Variants in RIMKLB observed in about 807,000 individuals in gnomAD.
RIMKLB encodes beta-citrylglutamate synthase B.
A neutral mutation model predicts 32.0 loss-of-function variants in RIMKLB; 7 were observed. The ratio of observed to expected loss-of-function variants is 0.22; its 90% CI spans 0.12 to 0.41. The LOEUF is 0.41. RIMKLB is among the 10% of genes least tolerant of loss of function. The pLI is 1.00. For missense variants in RIMKLB, 289 were observed against 498.7 expected (o/e 0.58, Z 4.00); for synonymous variants, 172 against 185.1 (o/e 0.93, Z 0.57).
At chr12:8,738,737 C>A (rs74059993) in intron 2 of RIMKLB, among the ~76,000 whole-genome samples, 1 of 152,084 alleles carries the variant, frequency 6.6e-6, no homozygotes, top group African/African-American at 2.4e-5. Context: ...AGGAGTGATA[C>A]CCCCCGTCCC....
chr12:8,756,450 T>A (rs1399236020), intron 5 of RIMKLB, among the ~76,000 whole-genome samples: 2 of 152,142 alleles, frequency 1.3e-5, no homozygotes, highest in Non-Finnish European at 2.9e-5. Context: ...AACATAATGT[T>A]CATTTAAAAA....
chr12:8,720,749 A>G (rs1407374697), intron 2 of RIMKLB, among the ~76,000 whole-genome samples: 1 of 152,182 alleles, frequency 6.6e-6, no homozygotes, highest in Non-Finnish European at 1.5e-5. Flanking sequence ...CTTGTTGGCC[A>G]GGCTGGTCTG....
At chr12:8,755,176 C>A (rs1948917348) in intron 5 of RIMKLB, among the ~76,000 whole-genome samples, 1 of 152,080 alleles carries the variant, frequency 6.6e-6, no homozygotes, top group African/African-American at 2.4e-5. Flanking sequence ...GGTCTCAAAC[C>A]TCTGACCTAG....
At chr12:8,746,227 T>C (rs1251743301) in intron 2 of RIMKLB, among the ~76,000 whole-genome samples, 2 of 151,700 alleles carry the variant, frequency 1.3e-5, no homozygotes, top group Non-Finnish European at 2.9e-5. Context: ...TTTTTCATCC[T>C]CAAACTGGCG....
chr12:8,754,923 G>A (rs1396380770), intron 5 of RIMKLB, among the ~76,000 whole-genome samples: 6 of 151,962 alleles, frequency 3.9e-5, no homozygotes, highest in Admixed American at 1.3e-4. Context: ...CTAAGTAGCC[G>A]AGACCACAGG....
At chr12:8,724,588 G>A (rs1463946384) in intron 2 of RIMKLB, among the ~76,000 whole-genome samples, 3 of 152,224 alleles carry the variant, frequency 2.0e-5, no homozygotes, top group Admixed American at 1.3e-4. Context: ...TGGTGTCTGA[G>A]TGGTTTGGAC....
At chr12:8,746,598 CAA>C (rs1185862870) in intron 2 of RIMKLB, among the ~76,000 whole-genome samples, 21 of 54,942 alleles carry the variant, frequency 3.8e-4, no homozygotes, top group Non-Finnish European at 4.1e-4. Context: ...GACTCTGTCT[CAA>C]AAAAAAAAAA....
At chr12:8,697,530 G>C (rs1213781389), upstream of RIMKLB, among the ~76,000 whole-genome samples, 1 of 152,082 alleles carries the variant, frequency 6.6e-6, no homozygotes, top group Non-Finnish European at 1.5e-5. Context: ...GAATGTGAGG[G>C]CGGGGAGGGC....
intron 5 of RIMKLB, among the ~76,000 whole-genome samples, chr12:8,757,735 A>G (rs1444385735): frequency 6.6e-6 from 1 of 152,168 alleles, no homozygotes; most frequent in Non-Finnish European, 1.5e-5. Flanking sequence ...TACATCGTCA[A>G]GAGTATTTCT....
intron 1 of RIMKLB, among the ~76,000 whole-genome samples, chr12:8,707,629 C>T (rs574197974): frequency 6.6e-5 from 10 of 152,276 alleles, no homozygotes; most frequent in South Asian, 6.2e-4. Context: ...GGGGATGAGA[C>T]GGAAGGTTCC....
intron 1 of RIMKLB, among the ~76,000 whole-genome samples, chr12:8,688,961 A>T (rs1043810579): frequency 2.6e-5 from 4 of 151,990 alleles, no homozygotes; most frequent in African/African-American, 9.7e-5. Context: ...CAGCCTCCCA[A>T]GTAGCTGGGA....
intron 2 of RIMKLB, among the ~76,000 whole-genome samples, chr12:8,749,504 G>A (rs1405095777): frequency 1.3e-5 from 2 of 152,148 alleles, no homozygotes; most frequent in Non-Finnish European, 1.5e-5. Context: ...CACTGCACCC[G>A]GCCCACTTAG....
the RIMKLB span, among the ~76,000 whole-genome samples, chr12:8,676,573 A>G: frequency 4.6e-5 from 7 of 150,790 alleles, no homozygotes; most frequent in African/African-American, 1.7e-4. Flanking sequence ...TAATTTTTGT[A>G]TTTTTAGTAG....
At chr12:8,717,506 A>G (rs1401832851) in intron 2 of RIMKLB, among the ~76,000 whole-genome samples, 2 of 151,918 alleles carry the variant, frequency 1.3e-5, no homozygotes, top group African/African-American at 4.8e-5. Context: ...TCTCTTACAA[A>G]TCTGTTCTAG....
chr12:8,715,313 C>T (rs892906988), intron 2 of RIMKLB, among the ~76,000 whole-genome samples: 4 of 151,100 alleles, frequency 2.6e-5, no homozygotes, highest in Non-Finnish European at 4.4e-5. Context: ...CAACCTCTGC[C>T]TCCCAGGTTC....
intron 1 of RIMKLB, among the ~76,000 whole-genome samples, chr12:8,691,478 T>G (rs1037224525): frequency 6.6e-6 from 1 of 151,920 alleles, no homozygotes; most frequent in Non-Finnish European, 1.5e-5. Flanking sequence ...GGTGCAGTGG[T>G]GCATGCCTGT....
intron 1 of RIMKLB, among the ~76,000 whole-genome samples, chr12:8,690,437 C>T (rs1942698433): frequency 6.6e-6 from 1 of 152,142 alleles, no homozygotes; most frequent in Admixed American, 6.5e-5. Flanking sequence ...TAAAACTTTA[C>T]TAAGAAGTGG....
At chr12:8,673,193 A>G in the RIMKLB span, among the ~76,000 whole-genome samples, 2 of 151,658 alleles carry the variant, frequency 1.3e-5, no homozygotes, top group Non-Finnish European at 2.9e-5. Flanking sequence ...CTGACCGGGT[A>G]TTTCTTTAGA....
chr12:8,713,271 A>C (rs959234362), intron 1 of RIMKLB, among the ~76,000 whole-genome samples: 2 of 152,138 alleles, frequency 1.3e-5, no homozygotes, highest in Non-Finnish European at 2.9e-5. Context: ...TCATCATTGA[A>C]GCTTACCTAG....
Sources: gnomAD v4.1 joint callset for allele counts (sites outside exome capture counted in the v4.1 genomes callset) on GRCh38, gnomAD v4.1.1 for gene constraint, MANE v1.5 for transcripts, NCBI Gene and HGNC (gene_info 2026-07-23, HGNC 2026-07-21) for gene names.